Variants in KCNT1 observed in about 807,000 individuals in gnomAD.
KCNT1 encodes potassium sodium-activated channel subfamily T member 1.
In KCNT1, 78 loss-of-function variants were observed where a neutral mutation model predicts 147.8. That is an observed-to-expected ratio of 0.53 (90% CI 0.44 to 0.64). The LOEUF (loss-of-function observed/expected upper bound fraction) is 0.64. Among genes scored for constraint, KCNT1 ranks in the 30% least tolerant of loss-of-function variants. KCNT1 has a pLI of 0.00. For missense variants in KCNT1, 1,419 were observed against 1,750.3 expected (o/e 0.81, Z 3.38); for synonymous variants, 867 against 748.8 (o/e 1.16, Z -2.58).
chr9:135,767,702 C>A lies in KCNT1; in HGVS notation c.1338-908C>A, dbSNP rs74474060. On this transcript the variant is annotated intron_variant, in intron 13 of 30. Transcript: ENST00000371757. ...CGGGCCTGCTCCTGCCAACCCTGGACCCCTAGCCCCTGACGCCTGGGAGTA... is the reference window on the plus strand; with the variant it reads ...CGGGCCTGCTCCTGCCAACCCTGGAACCCTAGCCCCTGACGCCTGGGAGTA... Among the ~76,000 whole-genome samples, 4 of 152,268 alleles carry A rather than the reference C, an allele frequency of 2.6e-5. No homozygotes were observed. The East Asian group carries it at 7.7e-4, about 29-fold the overall frequency.
intron 2 of KCNT1, among the ~76,000 whole-genome samples, chr9:135,717,449 G>C (rs1835766123): frequency 6.6e-6 from 1 of 152,148 alleles, no homozygotes; most frequent in Non-Finnish European, 1.5e-5. Flanking sequence ...AAGGTGGGGG[G>C]CTGCTGGTCG....
Position 135,775,419 on chromosome 9 carries a change from A to G in KCNT1, c.2349+4A>G, listed in dbSNP as rs745399878. The G allele has an allele frequency of 1.9e-6, 3 of 1,607,220 alleles. No individual in the cohort carries two copies. The highest frequency in any genetic ancestry group is 2.7e-5 in the African/African-American group (2 of 74,884). On this transcript the variant is annotated splice_donor_region_variant and intron_variant, in intron 20 of 30. Transcript: ENST00000371757. ...CTGCTGCCTGCGGCTGGACAAGGTA[A>G]GGCTGGCGGCTCTGCCGCGCTCTGC...
chr9:135,790,627 G>GC (rs1274117769), intron 29 of KCNT1: 2 of 152,676 alleles, frequency 1.3e-5, no homozygotes, highest in African/African-American at 2.4e-5. Context: ...GACCAGCATG[G>GC]CCCCCACCTG....
At chr9:135,708,295 A>T (rs1835339936) in intron 1 of KCNT1, among the ~76,000 whole-genome samples, 1 of 152,230 alleles carries the variant, frequency 6.6e-6, no homozygotes, top group African/African-American at 2.4e-5. Context: ...CACATTGTAC[A>T]TACATGCATG....
Position 135,770,027 on chromosome 9 carries a change from A to G in KCNT1, c.1591A>G (p.Thr531Ala). 1 of 1,553,298 alleles carries G rather than the reference A, an allele frequency of 6.4e-7. No homozygotes were observed. The highest frequency in any genetic ancestry group is 8.7e-7 in the Non-Finnish European group (1 of 1,148,840). Residue 531 changes from threonine (T) to alanine (A), a missense_variant, in exon 16 of 31, where the codon ACC (threonine) becomes GCC (alanine). Around this residue, in one of 5 missense-constraint regions of KCNT1, gnomAD observed 401 missense variants for 610.6 expected, o/e 0.66. Coordinates refer to ENST00000371757, the MANE Select transcript of KCNT1 (RefSeq NM_020822.3). ...CTGCCCGGCGACCTCCACCCTCATC[A>G]CCCTGCTGGTGCACACGTCCCGCGG... ...CICPATSTLI[T>A]LLVHTSRGQE... is the part of the protein sequence containing the mutation.
rs1417508265 is a variant in KCNT1 at position 135,757,182 on chromosome 9, C to T, written c.627C>T (p.Arg209=). ...GCAACATCTGGGAGCAGATCTTCCG[C>T]GTGTCCTTCGTCCTGGAGATGATCA... ...YKGNIWEQIF[R]VSFVLEMINT... The change falls in exon 8 of 31, where the codon CGC becomes CGT. Residue 209 remains arginine (R), a synonymous_variant. Coordinates refer to ENST00000371757, the MANE Select transcript of KCNT1 (RefSeq NM_020822.3). 7 of 1,610,300 alleles carry T rather than the reference C, an allele frequency of 4.3e-6. No homozygotes were observed. Among genetic ancestry groups the T allele is most frequent in the East Asian group, 2.2e-5 (1 of 44,732 alleles).
chr9:135,751,152 C>A, intron 4 of KCNT1, 111 bp downstream of exon 4: 1 of 988,916 alleles, frequency 1.0e-6, no homozygotes, highest in Non-Finnish European at 1.6e-6. Flanking sequence ...GTGCCTGGGG[C>A]CTTGGGGAGT....
chr9:135,787,982 GC>G lies in KCNT1; in HGVS notation c.3502+1463del. On this transcript the variant is annotated intron_variant, in intron 29 of 30. Transcript: ENST00000371757. ...TCTGGTGACCGACTCGCTTCTGGTG[GC>G]CGGCCTCCCGTGCAGCTGCCCCTGC... 2.4e-5 allele frequency: 18 copies of G among 746,668 alleles called. 1 individual carries two copies. In the South Asian group the frequency reaches 2.6e-4, roughly 11 times the overall value. 46.3% of individuals were successfully genotyped at this position (746,668 alleles called of 1,614,324 possible). A position where few individuals can be genotyped will look rare whatever the true frequency, so the allele number is the denominator to read the frequency against.
At chr9:135,766,392 GGGTGGACCATTCAA>G (rs1345224029) in intron 13 of KCNT1, among the ~76,000 whole-genome samples, 72 of 152,026 alleles carry the variant, frequency 4.7e-4, no homozygotes, top group Non-Finnish European at 1.9e-4. Flanking sequence ...GGATCATCTG[GGGTGGACCATTCAA>G]GGTGGACCAT....
At chr9:135,744,125 C>G (rs1009644516) in intron 2 of KCNT1, among the ~76,000 whole-genome samples, 4 of 152,244 alleles carry the variant, frequency 2.6e-5, no homozygotes, top group Admixed American at 2.0e-4. Flanking sequence ...TATGGTGGGC[C>G]CCGAGGCGTG....
chr9:135,738,208 G>A (rs895387706), intron 2 of KCNT1, among the ~76,000 whole-genome samples: 3 of 152,234 alleles, frequency 2.0e-5, no homozygotes, highest in Non-Finnish European at 4.4e-5. Context: ...TCCCAGCCCT[G>A]TGGGCTATGC....
At chr9:135,751,074 C>T (rs377100572) in intron 4 of KCNT1, 33 bp downstream of exon 4, 18 of 1,583,170 alleles carry the variant, frequency 1.1e-5, no homozygotes, top group Admixed American at 3.3e-5. Flanking sequence ...CGCGGGGTCC[C>T]GGGTCCCAGG....
chr9:135,777,974 C>CCAGCTCCTCCATGCTCT (rs1554777778), intron 21 of KCNT1, among the ~76,000 whole-genome samples: 34 of 95,454 alleles, frequency 3.6e-4, no homozygotes, highest in East Asian at 1.9e-3. Flanking sequence ...CCTCTGTCTC[C>CCAGCTCCTCCATGCTCT]CAGCTCCTCC....
In KCNT1 at chr9:135,769,121, C is replaced by A. The variant is rs538577829; in HGVS notation, c.1510+184C>A. On this transcript the variant is annotated intron_variant, in intron 15 of 30. Transcript: ENST00000371757. Reference sequence around the variant, plus strand: ...AGGATGCGTGTGCACACGTGGGTGTCGGTGCGTCTGGGGCAGGGCGCATGT... The same window carrying A: ...AGGATGCGTGTGCACACGTGGGTGTAGGTGCGTCTGGGGCAGGGCGCATGT... 3.9e-3 allele frequency among the ~76,000 whole-genome samples: 226 copies of A among 58,164 alleles called. 12 individuals carry two copies. The Middle Eastern group carries it at 0.053, about 14-fold the overall frequency. 38.2% of individuals were successfully genotyped at this position (58,164 alleles called of 152,430 possible).
At chr9:135,716,216 A>G (rs1343242816) in intron 2 of KCNT1, among the ~76,000 whole-genome samples, 1 of 152,132 alleles carries the variant, frequency 6.6e-6, no homozygotes, top group African/African-American at 2.4e-5. Flanking sequence ...GCCCTGGGAG[A>G]TCCTTCCGAT....
Position 135,765,686 on chromosome 9 carries a change from G to T in KCNT1, c.1263G>T (p.Gln421His). 6.2e-7 allele frequency: 1 copy of T among 1,611,120 alleles called. No individual in the cohort carries two copies. Among genetic ancestry groups the T allele is most frequent in the Non-Finnish European group, 8.5e-7 (1 of 1,179,134 alleles). The change falls in exon 13 of 31, where the codon CAG becomes CAT. Residue 421 changes from glutamine to histidine, a missense_variant. Gln to His is a conservative substitution (Grantham distance 24, BLOSUM62 0). This residue lies in a region of KCNT1 where 401 missense variants were observed against 610.6 expected (regional missense o/e 0.66). Transcript: ENST00000371757. ...ATGTCCAGGTGCGCAGAGTCCTGCA[G>T]ATCCCTCTGTGGTCCCAGCGGGTCA... is the stretch of plus-strand genomic sequence containing the variant. ...EMDVQVRRVL[Q>H]IPLWSQRVIY... is the part of the protein sequence containing the mutation.
rs1831266462 is a variant in KCNT1 at position 135,752,920 on chromosome 9, T to C, written c.435-1017T>C. Among the ~76,000 whole-genome samples, 1 of 146,000 alleles carries C rather than the reference T, an allele frequency of 6.8e-6. No individual in the cohort carries two copies. The highest frequency in any genetic ancestry group is 2.6e-5 in the African/African-American group (1 of 38,808). On this transcript the variant is annotated intron_variant, in intron 4 of 30. Coordinates refer to ENST00000371757, the MANE Select transcript of KCNT1 (RefSeq NM_020822.3). This position sits in a 1 kb window ranked among gnomAD's most constrained non-coding sequence, Gnocchi z 5.1. ...GATGGAGGGATGAGTGGATGGATGATGGATGGATGGATGGACAGATAAGTA... is the reference window on the plus strand; with the variant it reads ...GATGGAGGGATGAGTGGATGGATGACGGATGGATGGATGGACAGATAAGTA...
chr9:135,717,400 C>A (rs1280228130), intron 2 of KCNT1, among the ~76,000 whole-genome samples: 1 of 152,082 alleles, frequency 6.6e-6, no homozygotes, highest in Non-Finnish European at 1.5e-5. Flanking sequence ...GAAGCTTGGG[C>A]CTGGTGGAGA....
chr9:135,782,508 C>T (rs770678917), intron 24 of KCNT1, among the ~76,000 whole-genome samples: 15 of 152,318 alleles, frequency 9.8e-5, no homozygotes, highest in South Asian at 4.1e-4. Context: ...TCCCTCTGAC[C>T]GGGGGTCTCG....
Sources: allele counts gnomAD v4.1 joint callset (sites outside exome capture counted in the v4.1 genomes callset), GRCh38; gene constraint gnomAD v4.1.1; regional missense constraint gnomAD v4.1.1; non-coding constraint Gnocchi (gnomAD v3.1); transcripts MANE v1.5; gene names NCBI Gene and HGNC (gene_info 2026-07-23, HGNC 2026-07-21).